Variants in SPOCK3 observed in about 807,000 individuals in gnomAD.
SPOCK3 encodes testican-3.
In SPOCK3, 30 loss-of-function variants were observed where a neutral mutation model predicts 56.6. The observed-to-expected ratio is 0.53, with a 90% CI of 0.40 to 0.72. SPOCK3 has a LOEUF of 0.72. SPOCK3 is among the 30% of genes least tolerant of loss of function. SPOCK3 has a pLI of 0.00. For synonymous variants in SPOCK3, 196 were observed against 183.3 expected, an observed-to-expected ratio of 1.07 and a Z score of -0.56; for missense variants, 527 against 530.0, an observed-to-expected ratio of 0.99 and a Z score of 0.06.
In SPOCK3 at chr4:166,841,707, G is replaced by A. The variant is rs2126832900; in HGVS notation, c.589+47423C>T. 3.3e-5 allele frequency among the ~76,000 whole-genome samples: 5 copies of A among 152,182 alleles called. No homozygotes were observed. In the South Asian group the frequency reaches 1.0e-3, roughly 32 times the overall value. ...AGTAATATTACAAATCTTCCCCTGT[G>A]CCTGTGGAAGGCAGAATTCTAAGAA... On this transcript the variant is annotated intron_variant, in intron 6 of 10. Transcript: ENST00000357545.
intron 7 of SPOCK3, among the ~76,000 whole-genome samples, chr4:166,787,496 A>C (rs10003103): frequency 0.1 from 15,259 of 152,222 alleles, 2,328 homozygotes; most frequent in African/African-American, 0.33. Flanking sequence ...AAGAATATAT[A>C]GTTCTATTCA....
intron 4 of SPOCK3, among the ~76,000 whole-genome samples, chr4:166,966,864 T>A (rs1357580923): frequency 2.6e-5 from 4 of 152,160 alleles, no homozygotes; most frequent in Non-Finnish European, 5.9e-5. Context: ...GTTATAGTGA[T>A]AAATTAGCTC....
chr4:166,836,533 T>C (rs943006522), intron 6 of SPOCK3, among the ~76,000 whole-genome samples: 2 of 152,228 alleles, frequency 1.3e-5, no homozygotes, highest in Non-Finnish European at 2.9e-5. Flanking sequence ...TTTTTTCTTA[T>C]GTGACTTGAG....
chr4:166,975,443 C>G (rs1411508501), intron 4 of SPOCK3, among the ~76,000 whole-genome samples: 3 of 152,112 alleles, frequency 2.0e-5, no homozygotes, highest in Non-Finnish European at 2.9e-5. Context: ...ACCATGTGCA[C>G]TAATCACATC....
chr4:167,063,491 T>C (rs1367164622), intron 2 of SPOCK3, among the ~76,000 whole-genome samples: 1 of 151,866 alleles, frequency 6.6e-6, no homozygotes, highest in Non-Finnish European at 1.5e-5. Flanking sequence ...ATTGGAAAGC[T>C]ACAGAAGTTA....
Position 167,069,106 on chromosome 4 carries a change from A to G in SPOCK3, c.190-6569T>C, listed in dbSNP as rs147849990. Among the ~76,000 whole-genome samples, 67 of 152,030 alleles carry G rather than the reference A, an allele frequency of 4.4e-4. No individual in the cohort carries two copies. In the East Asian group the frequency reaches 9.3e-3, roughly 21 times the overall value. On this transcript the variant is annotated intron_variant, in intron 2 of 10. Coordinates refer to ENST00000357545, the MANE Select transcript of SPOCK3 (RefSeq NM_001040159.2). ...TTATCAATGGCTTTCCTCACTGCATATTCATCCTGCTACTTACTCATAACA... is the reference window on the plus strand; with the variant it reads ...TTATCAATGGCTTTCCTCACTGCATGTTCATCCTGCTACTTACTCATAACA...
chr4:166,848,927 G>A (rs1560928140), intron 6 of SPOCK3, among the ~76,000 whole-genome samples: 1 of 152,132 alleles, frequency 6.6e-6, no homozygotes, highest in Non-Finnish European at 1.5e-5. Flanking sequence ...CTATGTCGTT[G>A]ATTGCTGTTC....
chr4:167,039,509 G>A (rs1011576671), intron 3 of SPOCK3, among the ~76,000 whole-genome samples: 7 of 152,134 alleles, frequency 4.6e-5, no homozygotes, highest in African/African-American at 1.7e-4. Context: ...ATGTGTGTGT[G>A]TATATATGTG....
intron 3 of SPOCK3, among the ~76,000 whole-genome samples, chr4:167,035,323 G>T (rs1363905150): frequency 1.3e-5 from 2 of 151,924 alleles, no homozygotes; most frequent in African/African-American, 4.8e-5. Context: ...GAACATCTCA[G>T]TGTGATCCCA....
chr4:166,860,817 G>GTATA (rs1307737257), intron 6 of SPOCK3, among the ~76,000 whole-genome samples: 111 of 31,104 alleles, frequency 3.6e-3, no homozygotes, highest in Non-Finnish European at 6.9e-3. Flanking sequence ...ATATATATAT[G>GTATA]TATATATATA....
intron 8 of SPOCK3, among the ~76,000 whole-genome samples, chr4:166,744,559 A>C (rs969893665): frequency 1.3e-5 from 2 of 151,896 alleles, no homozygotes; most frequent in Admixed American, 6.6e-5. Context: ...AAAATTCTAA[A>C]AACCAGAGCG....
intron 6 of SPOCK3, among the ~76,000 whole-genome samples, chr4:166,861,664 C>T (rs1443985978): frequency 1.3e-5 from 2 of 152,044 alleles, no homozygotes; most frequent in African/African-American, 2.4e-5. Context: ...CAGCACTTCC[C>T]TGAAGAACTG....
At chr4:166,949,542 T>TG (rs1742249624) in intron 4 of SPOCK3, among the ~76,000 whole-genome samples, 3 of 152,158 alleles carry the variant, frequency 2.0e-5, no homozygotes, top group African/African-American at 7.2e-5. Context: ...TTCTGTTCGT[T>TG]AGTTTTCCTT....
At chr4:167,045,997 T>C (rs1301547594) in intron 3 of SPOCK3, among the ~76,000 whole-genome samples, 1 of 152,250 alleles carries the variant, frequency 6.6e-6, no homozygotes, top group Non-Finnish European at 1.5e-5. Flanking sequence ...GTATGTCTAC[T>C]GGCAACAAAT....
At chr4:166,901,290 C>G (rs1177452639) in intron 5 of SPOCK3, among the ~76,000 whole-genome samples, 6 of 152,088 alleles carry the variant, frequency 3.9e-5, no homozygotes, top group African/African-American at 1.4e-4. Flanking sequence ...GTTATTCTAA[C>G]TGAATTGGGA....
At chr4:166,933,883 A>G (rs1740074860) in intron 4 of SPOCK3, among the ~76,000 whole-genome samples, 1 of 152,174 alleles carries the variant, frequency 6.6e-6, no homozygotes, top group African/African-American at 2.4e-5. Flanking sequence ...GGGTCCAGCC[A>G]TGTTGCCCCA....
At chr4:166,803,050 G>A (rs547595785) in intron 6 of SPOCK3, among the ~76,000 whole-genome samples, 2 of 151,996 alleles carry the variant, frequency 1.3e-5, no homozygotes, top group Non-Finnish European at 2.9e-5. Flanking sequence ...GACAAATAAA[G>A]CACACACACA....
chr4:166,924,952 G>A (rs987004039), intron 4 of SPOCK3, among the ~76,000 whole-genome samples: 1 of 152,152 alleles, frequency 6.6e-6, no homozygotes, highest in Admixed American at 6.5e-5. Context: ...AGTAACACTA[G>A]CATTATTTAG....
chr4:167,233,250 G>A (rs1561352636), intron 2 of SPOCK3, among the ~76,000 whole-genome samples: 1 of 152,104 alleles, frequency 6.6e-6, no homozygotes, highest in Non-Finnish European at 1.5e-5. Flanking sequence ...TGGAAACCTG[G>A]CTCCCTCTTA....
Sources: allele counts gnomAD v4.1 joint callset (sites outside exome capture counted in the v4.1 genomes callset), GRCh38; gene constraint gnomAD v4.1.1; transcripts MANE v1.5; gene names NCBI Gene and HGNC (gene_info 2026-07-23, HGNC 2026-07-21).